CNTN1: variants seen among roughly 807,000 people sequenced by gnomAD.
CNTN1 encodes the protein contactin-1.
CNTN1 carries 38 observed loss-of-function variants against 126.4 expected under a neutral mutation model. That is an observed-to-expected ratio of 0.30 (90% CI 0.23 to 0.39). The LOEUF (loss-of-function observed/expected upper bound fraction) is 0.39. CNTN1 is among the 10% of genes least tolerant of loss of function. CNTN1 has a pLI of 1.00. For synonymous variants in CNTN1, 413 were observed against 422.6 expected, an observed-to-expected ratio of 0.98 and a Z score of 0.28; for missense variants, 1,009 against 1,248.4, an observed-to-expected ratio of 0.81 and a Z score of 2.89.
In CNTN1 at chr12:41,001,163, G is replaced by C. The variant is rs559127246; in HGVS notation, c.2113+7894G>C. Among the ~76,000 whole-genome samples the C allele has an allele frequency of 1.5e-4, 23 of 152,254 alleles. 1 individual carries two copies. In the South Asian group the frequency reaches 4.8e-3, roughly 32 times the overall value. Reference sequence around the variant, plus strand: ...TATATACTCAGTAATTGGATTGCTAGGTCGAATAGTATTTATGTTTTCAGG... The same window carrying C: ...TATATACTCAGTAATTGGATTGCTACGTCGAATAGTATTTATGTTTTCAGG... On this transcript the variant is annotated intron_variant, in intron 17 of 23. Coordinates refer to ENST00000551295, the MANE Select transcript of CNTN1 (RefSeq NM_001843.4).
intron 1 of CNTN1, among the ~76,000 whole-genome samples, chr12:40,770,981 T>G (rs751365337): frequency 6.6e-6 from 1 of 152,132 alleles, no homozygotes; most frequent in Non-Finnish European, 1.5e-5. Flanking sequence ...ATTCATTGTT[T>G]TCCAATCCTG....
chr12:40,765,171 A>G (rs1047101734), intron 1 of CNTN1, among the ~76,000 whole-genome samples: 2 of 152,108 alleles, frequency 1.3e-5, no homozygotes, highest in African/African-American at 4.8e-5. Flanking sequence ...GAATATGGTA[A>G]ATAAAGGAAT....
chr12:40,860,760 C>A (rs1259025311), intron 1 of CNTN1, among the ~76,000 whole-genome samples: 1 of 152,078 alleles, frequency 6.6e-6, no homozygotes, highest in East Asian at 1.9e-4. Flanking sequence ...GGAAGCTCTG[C>A]AAACCCCAGC....
chr12:40,841,782 T>C (rs1368701789), intron 1 of CNTN1, among the ~76,000 whole-genome samples: 4 of 151,932 alleles, frequency 2.6e-5, no homozygotes, highest in Non-Finnish European at 5.9e-5. Context: ...TACCTCAACA[T>C]AATAAAGGCC....
chr12:40,964,243 G>A (rs907429329), intron 15 of CNTN1, among the ~76,000 whole-genome samples: 7 of 150,526 alleles, frequency 4.7e-5, no homozygotes, highest in East Asian at 4.0e-4. Context: ...ATTAAATGAC[G>A]TTTGTTCACT....
At chr12:40,699,190 T>C (rs1221899583) in intron 1 of CNTN1, among the ~76,000 whole-genome samples, 1 of 152,244 alleles carries the variant, frequency 6.6e-6, no homozygotes. Context: ...GTTATTTTTC[T>C]TTGTGTCTGA....
At chr12:41,064,091 G>A (rs1166217687) in intron 23 of CNTN1, among the ~76,000 whole-genome samples, 1 of 151,562 alleles carries the variant, frequency 6.6e-6, no homozygotes, top group Non-Finnish European at 1.5e-5. Context: ...GGAGAATGGC[G>A]TGAACCCGGG....
chr12:40,708,599 A>C (rs959890805), intron 1 of CNTN1, among the ~76,000 whole-genome samples: 1 of 152,184 alleles, frequency 6.6e-6, no homozygotes, highest in Admixed American at 6.5e-5. Flanking sequence ...ACTCATCTGT[A>C]GCATGCAATT....
chr12:40,925,775 C>G (rs984438428), intron 6 of CNTN1, among the ~76,000 whole-genome samples: 1 of 134,490 alleles, frequency 7.4e-6, no homozygotes, highest in African/African-American at 2.8e-5. Flanking sequence ...ATGAGAAAAA[C>G]CTTTTTCTTA....
At chr12:40,960,290 G>A (rs1018414058) in intron 15 of CNTN1, among the ~76,000 whole-genome samples, 7 of 151,774 alleles carry the variant, frequency 4.6e-5, no homozygotes, top group African/African-American at 1.7e-4. Flanking sequence ...CTGTCTCAGT[G>A]TCAGTTAAAA....
chr12:40,983,853 T>TTA (rs1441086195), intron 16 of CNTN1, among the ~76,000 whole-genome samples: 1 of 93,384 alleles, frequency 1.1e-5, no homozygotes, highest in Non-Finnish European at 2.2e-5. Flanking sequence ...GCATATTTTA[T>TTA]TATATGCTAT....
chr12:40,953,843 T>C (rs566994763), intron 14 of CNTN1, among the ~76,000 whole-genome samples: 87 of 152,218 alleles, frequency 5.7e-4, no homozygotes, highest in South Asian at 3.1e-3. Flanking sequence ...AACAGCACCA[T>C]GTTTCAAAGA....
At chr12:40,901,219 T>C (rs1358226413) in intron 1 of CNTN1, among the ~76,000 whole-genome samples, 1 of 152,214 alleles carries the variant, frequency 6.6e-6, no homozygotes, top group East Asian at 1.9e-4. Flanking sequence ...TCTAGACACA[T>C]TTAAATTCTC....
At chr12:40,731,218 A>C (rs1400783982) in intron 1 of CNTN1, among the ~76,000 whole-genome samples, 2 of 152,046 alleles carry the variant, frequency 1.3e-5, no homozygotes, top group Non-Finnish European at 2.9e-5. Context: ...AGGAGAAAAG[A>C]AATGTATAAT....
chr12:41,037,849 TG>T (rs1293808278), intron 23 of CNTN1, among the ~76,000 whole-genome samples: 1 of 152,070 alleles, frequency 6.6e-6, no homozygotes, highest in Non-Finnish European at 1.5e-5. Context: ...AAGGCATTGA[TG>T]GTATTGTTTT....
At chr12:40,788,733 T>C (rs1044489170) in intron 1 of CNTN1, among the ~76,000 whole-genome samples, 1 of 152,100 alleles carries the variant, frequency 6.6e-6, no homozygotes, top group African/African-American at 2.4e-5. Context: ...AGATACCTCC[T>C]AGGTGACTAG....
chr12:40,847,398 T>C (rs1942551956), intron 1 of CNTN1, among the ~76,000 whole-genome samples: 1 of 152,158 alleles, frequency 6.6e-6, no homozygotes, highest in South Asian at 2.1e-4. Flanking sequence ...TTTTATCTTT[T>C]AATTATATTT....
At chr12:40,962,631 C>T (rs755621948) in intron 15 of CNTN1, among the ~76,000 whole-genome samples, 13 of 151,896 alleles carry the variant, frequency 8.6e-5, no homozygotes, top group Admixed American at 3.9e-4. Context: ...AGAAAATGTC[C>T]CCGATAATAA....
chr12:41,047,371 C>T (rs1949567499), intron 23 of CNTN1, among the ~76,000 whole-genome samples: 1 of 152,088 alleles, frequency 6.6e-6, no homozygotes, highest in Non-Finnish European at 1.5e-5. Flanking sequence ...TGAGTGCTTC[C>T]TTCACCTTTT....
Sources: gnomAD v4.1 joint callset for allele counts (sites outside exome capture counted in the v4.1 genomes callset) on GRCh38, gnomAD v4.1.1 for gene constraint, MANE v1.5 for transcripts, NCBI Gene and HGNC (gene_info 2026-07-23, HGNC 2026-07-21) for gene names.